Variants in ALK observed in about 807,000 individuals in gnomAD.
ALK encodes the protein ALK tyrosine kinase receptor.
A neutral mutation model predicts 163.1 loss-of-function variants in ALK; 74 were observed. The observed-to-expected ratio is 0.45, with a 90% CI of 0.38 to 0.55. The LOEUF (loss-of-function observed/expected upper bound fraction) is 0.55. ALK is among the 20% of genes least tolerant of loss of function. The pLI is 0.00. For synonymous variants in ALK, 960 were observed against 843.2 expected (o/e 1.14, Z -2.40); for missense variants, 2,063 against 2,105.3 (o/e 0.98, Z 0.39).
chr2:29,831,253 GGAAGAGGAAGAAGAAGAA>G lies in ALK; in HGVS notation c.667+88722_667+88739del, dbSNP rs1181490498. Reference sequence around the variant, plus strand: ...AAGAAGAGGAAGAAGAAGAGGAAGAGGAAGAGGAAGAAGAAGAAGAAGAAGAAGAAGAAGAAGAAGAAG... The same window carrying G: ...AAGAAGAGGAAGAAGAAGAGGAAGAGGAAGAAGAAGAAGAAGAAGAAGAAG... On this transcript the variant is annotated intron_variant, in intron 1 of 28. Coordinates refer to ENST00000389048, the MANE Select transcript of ALK (RefSeq NM_004304.5). 8.3e-4 allele frequency among the ~76,000 whole-genome samples: 11 copies of G among 13,312 alleles called. 3 individuals are homozygous for G. Among genetic ancestry groups the G allele is most frequent in the African/African-American group, 1.9e-3 (11 of 5,654 alleles). The allele number at this position is 13,312 out of a possible 152,430, so 8.7% of individuals were successfully genotyped here.
At chr2:29,524,608 A>C (rs371642185) in intron 4 of ALK, among the ~76,000 whole-genome samples, 1 of 152,266 alleles carries the variant, frequency 6.6e-6, no homozygotes, top group East Asian at 1.9e-4. Context: ...TGGCAAACTG[A>C]ACATGCACTG....
At chr2:29,198,040 G>A (rs1669067991) in intron 26 of ALK, among the ~76,000 whole-genome samples, 1 of 152,144 alleles carries the variant, frequency 6.6e-6, no homozygotes, top group South Asian at 2.1e-4. Flanking sequence ...GCTAATGGCT[G>A]TAAAACATTC....
chr2:29,575,198 C>T (rs148679761), intron 3 of ALK, among the ~76,000 whole-genome samples: 231 of 152,120 alleles, frequency 1.5e-3, no homozygotes, highest in African/African-American at 5.1e-3. Context: ...AACGGTGTTG[C>T]GGGGGGAGGT....
chr2:29,905,031 T>C (rs1300117141), intron 1 of ALK, among the ~76,000 whole-genome samples: 1 of 152,214 alleles, frequency 6.6e-6, no homozygotes, highest in Non-Finnish European at 1.5e-5. Context: ...ACATATAAAA[T>C]ACTTTGCATC....
At chr2:29,504,422 C>T (rs896717704) in intron 4 of ALK, among the ~76,000 whole-genome samples, 1 of 152,124 alleles carries the variant, frequency 6.6e-6, no homozygotes, top group Non-Finnish European at 1.5e-5. Context: ...ATGCTGGCTG[C>T]TGTGCAGAGA....
At chr2:29,653,381 G>A (rs1026938137) in intron 3 of ALK, among the ~76,000 whole-genome samples, 4 of 152,000 alleles carry the variant, frequency 2.6e-5, no homozygotes, top group Non-Finnish European at 5.9e-5. Flanking sequence ...CTGTCTTTAG[G>A]TACATCACAT....
chr2:29,751,258 T>C (rs890356787), intron 1 of ALK, among the ~76,000 whole-genome samples: 7 of 151,684 alleles, frequency 4.6e-5, no homozygotes, highest in African/African-American at 1.7e-4. Context: ...TGTACACTCC[T>C]GTACATTTTA....
intron 11 of ALK, among the ~76,000 whole-genome samples, chr2:29,265,009 T>G (rs754582416): frequency 6.7e-5 from 10 of 148,456 alleles, no homozygotes; most frequent in Non-Finnish European, 1.4e-4. Flanking sequence ...GGTGCCCTGT[T>G]TTTTTTTTGT....
At chr2:29,320,270 G>A (rs1034303143) in intron 7 of ALK, among the ~76,000 whole-genome samples, 5 of 152,172 alleles carry the variant, frequency 3.3e-5, no homozygotes, top group African/African-American at 9.7e-5. Flanking sequence ...GGGTGAGGTA[G>A]GGGGATGGCT....
intron 1 of ALK, among the ~76,000 whole-genome samples, chr2:29,753,118 A>G (rs1463319044): frequency 6.6e-6 from 1 of 152,230 alleles, no homozygotes; most frequent in Non-Finnish European, 1.5e-5. Flanking sequence ...AAGGAGAAGA[A>G]AATAGGTGGG....
chr2:29,548,778 T>C (rs1021210520), intron 3 of ALK, among the ~76,000 whole-genome samples: 1 of 152,210 alleles, frequency 6.6e-6, no homozygotes, highest in African/African-American at 2.4e-5. Flanking sequence ...GCAACTCACT[T>C]ATTTTCTTAT....
At chr2:29,329,728 C>T (rs1246348498) in intron 5 of ALK, among the ~76,000 whole-genome samples, 1 of 152,210 alleles carries the variant, frequency 6.6e-6, no homozygotes, top group Admixed American at 6.5e-5. Flanking sequence ...TCTAAAAGTC[C>T]ATGATTTCCT....
chr2:29,564,447 A>G (rs4666250), intron 3 of ALK, among the ~76,000 whole-genome samples: 8 of 109,284 alleles, frequency 7.3e-5, no homozygotes, highest in South Asian at 2.7e-4. Context: ...CACCACCCCC[A>G]CCGCCACCCT....
intron 4 of ALK, among the ~76,000 whole-genome samples, chr2:29,405,538 C>G (rs1375554808): frequency 1.3e-5 from 2 of 152,134 alleles, no homozygotes; most frequent in Non-Finnish European, 2.9e-5. Flanking sequence ...ACGGCACCAT[C>G]AAAGAGAAAT....
intron 5 of ALK, among the ~76,000 whole-genome samples, chr2:29,366,060 G>T (rs1668498573): frequency 6.6e-6 from 1 of 152,290 alleles, no homozygotes; most frequent in Non-Finnish European, 1.5e-5. Flanking sequence ...TGAAAATACA[G>T]ATTTTTAGCA....
At chr2:29,384,242 C>T (rs1170376144) in intron 4 of ALK, among the ~76,000 whole-genome samples, 4 of 152,206 alleles carry the variant, frequency 2.6e-5, no homozygotes, top group African/African-American at 7.2e-5. Context: ...ACATGTATCA[C>T]TCTATTCAAA....
intron 5 of ALK, among the ~76,000 whole-genome samples, chr2:29,361,407 C>G (rs568398589): frequency 6.6e-6 from 1 of 152,324 alleles, no homozygotes; most frequent in East Asian, 1.9e-4. Context: ...CACCTTCCTC[C>G]CCATAACTGG....
At chr2:29,225,387 G>A (rs2148176113) in intron 19 of ALK, 74 bp downstream of exon 19, 6 of 1,341,180 alleles carry the variant, frequency 4.5e-6, no homozygotes, top group Non-Finnish European at 6.3e-6. Flanking sequence ...CTTGGCACCT[G>A]TGGCACAGCC....
intron 4 of ALK, among the ~76,000 whole-genome samples, chr2:29,412,355 G>A (rs561480925): frequency 3.6e-4 from 55 of 152,274 alleles, no homozygotes; most frequent in African/African-American, 5.5e-4. Context: ...GTACAGTGGC[G>A]CTGCATGCTT....
Sources: gnomAD v4.1 joint callset for allele counts (sites outside exome capture counted in the v4.1 genomes callset) on GRCh38, gnomAD v4.1.1 for gene constraint, MANE v1.5 for transcripts, NCBI Gene and HGNC (gene_info 2026-07-23, HGNC 2026-07-21) for gene names.